Variants in GMDS observed in about 807,000 individuals in gnomAD.
The protein encoded by GMDS is GDP-mannose 4,6-dehydratase, also known as GDP-mannose 4,6 dehydratase.
A neutral mutation model predicts 49.9 loss-of-function variants in GMDS; 20 were observed. The observed-to-expected ratio is 0.40, with a 90% CI of 0.28 to 0.58. GMDS has a LOEUF of 0.58. GMDS is among the 20% of genes least tolerant of loss of function. The pLI, the probability that GMDS is intolerant of heterozygous loss-of-function variation, is 0.42. For synonymous variants in GMDS, 177 were observed against 178.6 expected (o/e 0.99, Z 0.07); for missense variants, 362 against 481.4 (o/e 0.75, Z 2.32).
intron 1 of GMDS, among the ~76,000 whole-genome samples, chr6:2,222,600 C>A (rs956531560): frequency 5.3e-5 from 8 of 152,132 alleles, no homozygotes; most frequent in African/African-American, 1.9e-4. Context: ...CAATTACCAG[C>A]CAATTAGGAA....
rs370673506 is a variant in GMDS at position 1,642,191 on chromosome 6, G to C, written c.988-17651C>G. 3.9e-5 allele frequency among the ~76,000 whole-genome samples: 5 copies of C among 127,584 alleles called. 1 individual carries two copies. In the South Asian group the frequency reaches 1.0e-3, roughly 26 times the overall value. The allele number at this position is 127,584 out of a possible 152,430, so 83.7% of individuals were successfully genotyped here. On this transcript the variant is annotated intron_variant, in intron 9 of 10. Coordinates refer to ENST00000380815, the MANE Select transcript of GMDS (RefSeq NM_001500.4). ...TTTTTTTTTTTTTAAGAAAAAAATA[G>C]AGTCTCACTCTATCGCCCAGGCTGG...
chr6:2,115,007 G>A (rs1774764556), intron 4 of GMDS, among the ~76,000 whole-genome samples: 1 of 152,084 alleles, frequency 6.6e-6, no homozygotes, highest in African/African-American at 2.4e-5. Context: ...GGACTTTTGA[G>A]GGGCTTTTAT....
intron 7 of GMDS, among the ~76,000 whole-genome samples, chr6:1,780,161 T>C (rs1581172239): frequency 6.6e-6 from 1 of 152,242 alleles, no homozygotes; most frequent in African/African-American, 2.4e-5. Flanking sequence ...TAAAGATACA[T>C]GCTGGCAATT....
chr6:2,214,773 C>A (rs2127585494), intron 1 of GMDS, among the ~76,000 whole-genome samples: 1 of 152,242 alleles, frequency 6.6e-6, no homozygotes, highest in East Asian at 1.9e-4. Flanking sequence ...CCTCAGCCTC[C>A]CAAAGTGCTG....
chr6:1,695,831 G>A (rs1381451716), intron 9 of GMDS, among the ~76,000 whole-genome samples: 1 of 151,598 alleles, frequency 6.6e-6, no homozygotes, highest in Non-Finnish European at 1.5e-5. Context: ...AACAAACAGT[G>A]CTGAGATGAA....
intron 4 of GMDS, among the ~76,000 whole-genome samples, chr6:1,982,470 G>A (rs1399747584): frequency 2.0e-5 from 3 of 152,120 alleles, no homozygotes; most frequent in African/African-American, 7.2e-5. Flanking sequence ...ACATGATCCT[G>A]TATCTAGAAA....
intron 9 of GMDS, among the ~76,000 whole-genome samples, chr6:1,684,096 A>AC (rs1561726129): frequency 6.6e-6 from 1 of 151,324 alleles, no homozygotes. Flanking sequence ...TCTATCAGCT[A>AC]TTTTTTTTGT....
intron 7 of GMDS, among the ~76,000 whole-genome samples, chr6:1,832,278 C>T (rs925924347): frequency 6.6e-6 from 1 of 151,718 alleles, no homozygotes; most frequent in Non-Finnish European, 1.5e-5. Flanking sequence ...GTAGTCCCAG[C>T]TACTAGGGAG....
At chr6:1,894,543 G>A (rs1385777201) in intron 7 of GMDS, among the ~76,000 whole-genome samples, 1 of 152,100 alleles carries the variant, frequency 6.6e-6, no homozygotes, top group African/African-American at 2.4e-5. Context: ...TTTCTTTACA[G>A]TTTCAAAGTG....
intron 1 of GMDS, among the ~76,000 whole-genome samples, chr6:2,230,755 G>A (rs2295008): frequency 0.11 from 16,823 of 151,540 alleles, 1,028 homozygotes; most frequent in Middle Eastern, 0.23. Flanking sequence ...AAAAAAAAAG[G>A]GACTTCAATA....
At chr6:1,800,759 C>T (rs764034574) in intron 7 of GMDS, among the ~76,000 whole-genome samples, 90 of 152,084 alleles carry the variant, frequency 5.9e-4, no homozygotes, top group Admixed American at 1.8e-3. Flanking sequence ...CTTCAGAGCA[C>T]TGCACAGTTA....
At chr6:1,805,995 G>A (rs1770161188) in intron 7 of GMDS, among the ~76,000 whole-genome samples, 1 of 152,092 alleles carries the variant, frequency 6.6e-6, no homozygotes, top group African/African-American at 2.4e-5. Context: ...AATATATGTG[G>A]GTTCTGGGCT....
At chr6:1,781,088 G>C (rs1413025374) in intron 7 of GMDS, among the ~76,000 whole-genome samples, 1 of 152,016 alleles carries the variant, frequency 6.6e-6, no homozygotes, top group Admixed American at 6.6e-5. Flanking sequence ...AAACACGATT[G>C]CAAGACGAAG....
intron 7 of GMDS, among the ~76,000 whole-genome samples, chr6:1,901,585 T>A (rs1431006471): frequency 6.6e-6 from 1 of 152,218 alleles, no homozygotes; most frequent in Non-Finnish European, 1.5e-5. Context: ...GTTAACACAT[T>A]TTCCAAAAAT....
intron 9 of GMDS, among the ~76,000 whole-genome samples, chr6:1,681,628 A>T (rs1025011651): frequency 2.0e-5 from 3 of 152,192 alleles, no homozygotes; most frequent in Admixed American, 6.5e-5. Flanking sequence ...CAGAGAGGCC[A>T]GGGGATCTCA....
At chr6:1,716,303 A>C (rs1023637846) in intron 9 of GMDS, among the ~76,000 whole-genome samples, 3 of 152,202 alleles carry the variant, frequency 2.0e-5, no homozygotes, top group Admixed American at 6.5e-5. Flanking sequence ...CTGTTTAAGA[A>C]TTTGTCTCAA....
At chr6:2,051,243 C>A (rs1350220526) in intron 4 of GMDS, among the ~76,000 whole-genome samples, 3 of 152,208 alleles carry the variant, frequency 2.0e-5, no homozygotes, top group African/African-American at 7.2e-5. Context: ...CCAGTGTCAC[C>A]TATGTTGGCT....
chr6:1,737,745 CATA>C (rs1767070042), intron 8 of GMDS, among the ~76,000 whole-genome samples: 2 of 124,568 alleles, frequency 1.6e-5, no homozygotes, highest in Admixed American at 8.3e-5. Flanking sequence ...CACACATACA[CATA>C]CACATACACA....
At chr6:2,217,430 CA>C (rs1780391136) in intron 1 of GMDS, among the ~76,000 whole-genome samples, 1 of 145,548 alleles carries the variant, frequency 6.9e-6, no homozygotes. Flanking sequence ...ATAATATTTT[CA>C]ATATTAAGTG....
Sources: allele counts gnomAD v4.1 joint callset (sites outside exome capture counted in the v4.1 genomes callset), GRCh38; gene constraint gnomAD v4.1.1; transcripts MANE v1.5; gene names NCBI Gene and HGNC (gene_info 2026-07-23, HGNC 2026-07-21).